The following AGBL1 variants were observed in gnomAD, a reference collection of about 807,000 sequenced individuals.
AGBL1 encodes the protein cytosolic carboxypeptidase 4.
Under a neutral mutation model 118.9 loss-of-function variants are expected in AGBL1, and 130 were observed. The ratio of observed to expected loss-of-function variants is 1.09; its 90% CI spans 0.95 to 1.26. AGBL1 has a LOEUF of 1.26. Among genes scored for constraint, AGBL1 ranks in the 50% most tolerant of loss-of-function variants. AGBL1 has a pLI of 0.00. For missense variants in AGBL1, 1,584 were observed against 1,298.1 expected (o/e 1.22, Z -3.38); for synonymous variants, 555 against 478.9 (o/e 1.16, Z -2.08).
At chr15:86,504,726 C>T (rs4468577) in intron 18 of AGBL1, among the ~76,000 whole-genome samples, 67 of 151,650 alleles carry the variant, frequency 4.4e-4, no homozygotes, top group African/African-American at 1.4e-3. Flanking sequence ...ATATAAAATA[C>T]GTCTTCATAT....
rs2080130104 is a variant in AGBL1 at position 86,896,552 on chromosome 15, C to T, written c.3159-10535C>T. On this transcript the variant is annotated intron_variant, in intron 22 of 22. Transcript: ENST00000614907. ...GATTTCTATATTTTGTCAACATTTT[C>T]CCCCTTCTGGTAGTTAGGTTTTCTA... 2.0e-5 allele frequency among the ~76,000 whole-genome samples: 3 copies of T among 152,092 alleles called. No homozygotes were observed. The South Asian group carries it at 6.2e-4, about 31-fold the overall frequency.
chr15:86,579,458 T>C (rs2084143279), intron 21 of AGBL1, among the ~76,000 whole-genome samples: 1 of 152,212 alleles, frequency 6.6e-6, no homozygotes, highest in African/African-American at 2.4e-5. Context: ...TCATAGTGAC[T>C]AAAATGAGGA....
chr15:86,326,416 G>C (rs566483487), intron 17 of AGBL1, among the ~76,000 whole-genome samples: 1 of 151,812 alleles, frequency 6.6e-6, no homozygotes, highest in Non-Finnish European at 1.5e-5. Context: ...ATAGGAGAAG[G>C]GTATAGAGAA....
At chr15:86,855,535 C>T (rs1408494636) in intron 22 of AGBL1, among the ~76,000 whole-genome samples, 2 of 152,132 alleles carry the variant, frequency 1.3e-5, no homozygotes, top group South Asian at 2.1e-4. Flanking sequence ...GCTTCCTCCT[C>T]CTATCAGGCA....
chr15:86,929,168 C>T (rs1166933081), intron 23 of AGBL1, among the ~76,000 whole-genome samples: 2 of 152,098 alleles, frequency 1.3e-5, no homozygotes, highest in Admixed American at 6.5e-5. Flanking sequence ...TTTTCATTTA[C>T]CACTATTCAG....
At chr15:86,264,902 G>C (rs527364811) in intron 11 of AGBL1, 64 bp downstream of exon 11, 1 of 1,368,738 alleles carries the variant, frequency 7.3e-7, no homozygotes, top group South Asian at 1.5e-5. Flanking sequence ...TAAGTAAAAT[G>C]GTTTGTACAG....
intron 19 of AGBL1, among the ~76,000 whole-genome samples, chr15:86,545,350 A>G (rs1354356628): frequency 6.6e-6 from 1 of 152,174 alleles, no homozygotes; most frequent in East Asian, 1.9e-4. Flanking sequence ...CTGTTTTTGT[A>G]TATTTCACCA....
At chr15:86,735,370 G>C (rs1158481245) in intron 22 of AGBL1, among the ~76,000 whole-genome samples, 2 of 151,948 alleles carry the variant, frequency 1.3e-5, no homozygotes, top group African/African-American at 2.4e-5. Flanking sequence ...CATGAGGCAT[G>C]GCACCCAGCT....
intron 16 of AGBL1, among the ~76,000 whole-genome samples, chr15:86,290,509 C>A (rs2079527862): frequency 6.6e-6 from 1 of 151,216 alleles, no homozygotes; most frequent in African/African-American, 2.4e-5. Flanking sequence ...CACCACCATG[C>A]CCAGCAATTT....
Position 86,756,268 on chromosome 15 carries a change from A to C in AGBL1, c.3158+81832A>C, listed in dbSNP as rs890426119. 3.3e-5 allele frequency among the ~76,000 whole-genome samples: 5 copies of C among 151,684 alleles called. No homozygotes were observed. In the East Asian group the frequency reaches 9.7e-4, roughly 29 times the overall value. The stretch of plus-strand genomic sequence containing the variant: ...CCCACCAAAAAAAGAAAAAGACTAC[A>C]CAGCCATTTTCTCAGAAAAATTTCA... On this transcript the variant is annotated intron_variant, in intron 22 of 22. Transcript: ENST00000614907.
chr15:86,088,280 G>C (rs1397663027), intron 1 of AGBL1: 2 of 152,270 alleles, frequency 1.3e-5, no homozygotes, highest in Admixed American at 1.3e-4. Flanking sequence ...AATTGCTGCG[G>C]CAAACTGCCA....
intron 18 of AGBL1, among the ~76,000 whole-genome samples, chr15:86,502,572 T>C (rs1233846557): frequency 6.7e-6 from 1 of 149,490 alleles, no homozygotes; most frequent in Admixed American, 6.7e-5. Flanking sequence ...TGTGGGTTTA[T>C]CAGGTTGAAG....
At chr15:86,474,027 G>A (rs2082517670) in intron 18 of AGBL1, among the ~76,000 whole-genome samples, 1 of 152,096 alleles carries the variant, frequency 6.6e-6, no homozygotes, top group Non-Finnish European at 1.5e-5. Context: ...GCACTGTTTG[G>A]TATTTATTTT....
intron 24 of AGBL1, among the ~76,000 whole-genome samples, chr15:87,020,146 G>T (rs1044754930): frequency 1.3e-5 from 2 of 151,988 alleles, no homozygotes; most frequent in Non-Finnish European, 2.9e-5. Context: ...AAAAAGCCCA[G>T]GACCAGAAGA....
intron 22 of AGBL1, among the ~76,000 whole-genome samples, chr15:86,741,999 G>T (rs867606536): frequency 6.8e-6 from 1 of 147,414 alleles, no homozygotes; most frequent in Non-Finnish European, 1.5e-5. Flanking sequence ...TTTAAACTAT[G>T]AGTGGCTTAA....
At chr15:86,895,911 G>A (rs145714123) in intron 22 of AGBL1, among the ~76,000 whole-genome samples, 61 of 151,596 alleles carry the variant, frequency 4.0e-4, no homozygotes, top group South Asian at 1.0e-3. Context: ...ATTTTTTTCT[G>A]GTTTCTAGAG....
At chr15:86,895,125 CTTCT>C (rs1428956198) in intron 22 of AGBL1, among the ~76,000 whole-genome samples, 1 of 149,898 alleles carries the variant, frequency 6.7e-6, no homozygotes, top group Non-Finnish European at 1.5e-5. Flanking sequence ...TCCTTTCTTC[CTTCT>C]ACTTTCTTCT....
chr15:86,366,768 G>T (rs1333153364), intron 17 of AGBL1, among the ~76,000 whole-genome samples: 1 of 152,194 alleles, frequency 6.6e-6, no homozygotes, highest in Admixed American at 6.5e-5. Flanking sequence ...CCTCAGAGGT[G>T]CAGTCTCAGC....
chr15:86,638,321 A>G (rs2085133480), intron 21 of AGBL1, among the ~76,000 whole-genome samples: 2 of 152,236 alleles, frequency 1.3e-5, no homozygotes, highest in Non-Finnish European at 1.5e-5. Context: ...GAATACTTCA[A>G]TGACAATGGT....
Sources: allele counts gnomAD v4.1 joint callset (sites outside exome capture counted in the v4.1 genomes callset), GRCh38; gene constraint gnomAD v4.1.1; transcripts MANE v1.5; gene names NCBI Gene and HGNC (gene_info 2026-07-23, HGNC 2026-07-21).